Variants in NWD1 observed in about 807,000 individuals in gnomAD.
NWD1 encodes the protein NACHT and WD repeat domain containing 1.
A neutral mutation model predicts 135.1 loss-of-function variants in NWD1; 129 were observed. That is an observed-to-expected ratio of 0.96 (90% CI 0.83 to 1.11). The LOEUF (loss-of-function observed/expected upper bound fraction) is 1.11. Ranked by LOEUF, NWD1 falls within the 50% of genes least tolerant of loss-of-function variation. The pLI is 0.00. For missense variants in NWD1, 1,740 were observed against 1,851.3 expected, an observed-to-expected ratio of 0.94 and a Z score of 1.10; for synonymous variants, 773 against 786.0, an observed-to-expected ratio of 0.98 and a Z score of 0.28.
intron 2 of NWD1, among the ~76,000 whole-genome samples, chr19:16,728,015 C>T (rs530028471): frequency 5.9e-5 from 9 of 151,584 alleles, no homozygotes; most frequent in African/African-American, 1.7e-4. Context: ...GAGCCAAGAT[C>T]GCGCCATAGC....
intron 15 of NWD1, among the ~76,000 whole-genome samples, chr19:16,795,120 C>G (rs1372452851): frequency 6.6e-6 from 1 of 152,236 alleles, no homozygotes; most frequent in Admixed American, 6.5e-5. Flanking sequence ...TTCTTGGCCT[C>G]TTTGCCAAGC....
intron 15 of NWD1, 54 bp downstream of exon 15, chr19:16,794,607 G>T: frequency 8.0e-7 from 1 of 1,250,122 alleles, no homozygotes; most frequent in Non-Finnish European, 1.2e-6. Context: ...GATCAGGTTG[G>T]AGAAGGGGGT....
chr19:16,769,520 C>A (rs1025206623), intron 10 of NWD1, among the ~76,000 whole-genome samples: 1 of 152,052 alleles, frequency 6.6e-6, no homozygotes, highest in Non-Finnish European at 1.5e-5. Context: ...AGATGGTTCT[C>A]CCATTGTCCT....
At position 16,749,525 on chromosome 19, in the gene NWD1, T is replaced by C; in HGVS notation, c.883T>C (p.Tyr295His). ...GGCCGGACAGGAGTTGGCGTGGCTCTACCAAGAGATCCGCCACCACCTTTG... is the reference window on the plus strand; with the variant it reads ...GGCCGGACAGGAGTTGGCGTGGCTCCACCAAGAGATCCGCCACCACCTTTG... ...DTAGQELAWL[Y>H]QEIRHHLWQS... Residue 295 changes from tyrosine to histidine, a missense_variant, in exon 6 of 19, where the codon TAC becomes CAC. By Grantham distance (83) the Tyr-to-His change is moderately conservative (BLOSUM62 2). Transcript: ENST00000524140. 6.2e-7 allele frequency: 1 copy of C among 1,611,922 alleles called. No homozygotes were observed. The highest frequency in any genetic ancestry group is 8.5e-7 in the Non-Finnish European group (1 of 1,178,212).
At position 16,807,716 on chromosome 19, in the gene NWD1, C is replaced by T. The variant is rs191463357; in HGVS notation, c.3867C>T (p.Asp1289=). 5.1e-5 allele frequency: 83 copies of T among 1,613,592 alleles called. No individual in the cohort carries two copies. Among genetic ancestry groups the T allele is most frequent in the Admixed American group, 3.5e-4 (21 of 59,948 alleles). ...VLVFPLNSRQ[D]VICIPPPEAR... is the part of the protein sequence containing the mutation. ...TGTTCCCCCTGAATTCCAGGCAGGA[C>T]GTGATATGCATTCCCCCTCCCGAGG... Residue 1289 remains aspartate (D), a synonymous_variant, in exon 18 of 19, where the codon GAC becomes GAT. Transcript: ENST00000524140.
intron 6 of NWD1, among the ~76,000 whole-genome samples, chr19:16,755,289 C>T (rs969250892): frequency 2.6e-5 from 4 of 152,114 alleles, no homozygotes; most frequent in African/African-American, 4.8e-5. Context: ...GATCACAGCT[C>T]GCCGCAGTCT....
chr19:16,749,631 A>G lies in NWD1; in HGVS notation c.989A>G (p.Asp330Gly), dbSNP rs1458033690. Reference protein sequence around the residue: ...ARLGQQLRHDDSKQHTPLVLF... With the variant: ...ARLGQQLRHDGSKQHTPLVLF... ...CTTGGGCAGCAGCTCAGGCACGATG[A>G]CAGCAAGCAGCACACCCCCCTGGTA... Residue 330 changes from aspartate (D) to glycine (G), a missense_variant, in exon 6 of 19, where the codon GAC becomes GGC. Coordinates refer to ENST00000524140, the MANE Select transcript of NWD1 (RefSeq NM_001007525.5). 1.2e-6 allele frequency: 2 copies of G among 1,610,116 alleles called. No individual in the cohort carries two copies. The highest frequency in any genetic ancestry group is 1.7e-6 in the Non-Finnish European group (2 of 1,177,188).
rs190339086 is a variant in NWD1, at chr19:16,807,957, G to T, written c.4108G>T (p.Asp1370Tyr). The T allele has an allele frequency of 5.1e-5, 83 of 1,614,152 alleles. No individual in the cohort carries two copies. Among genetic ancestry groups the T allele is most frequent in the Non-Finnish European group, 6.4e-5 (76 of 1,180,038 alleles). ...CGTGGTCTACAGCATGACCAATGGG[G>T]ACCTCTTTCTTTACGAGTGTGCAAC... is the stretch of plus-strand genomic sequence containing the variant. ...YRVVYSMTNG[D>Y]LFLYECATSK... Residue 1370 changes from aspartate (D) to tyrosine (Y), a missense_variant, in exon 18 of 19, where the codon GAC (aspartate) becomes TAC (tyrosine). Transcript: ENST00000524140.
At chr19:16,767,243 G>C (rs1453188286) in intron 10 of NWD1, among the ~76,000 whole-genome samples, 2 of 138,954 alleles carry the variant, frequency 1.4e-5, no homozygotes, top group Admixed American at 8.2e-5. Flanking sequence ...GCAGTGGTGC[G>C]ATCTCGGCTC....
intron 11 of NWD1, among the ~76,000 whole-genome samples, chr19:16,776,787 A>T (rs1355552118): frequency 1.3e-5 from 2 of 148,186 alleles, no homozygotes; most frequent in Admixed American, 6.8e-5. Context: ...AAAAAAAAAA[A>T]AAAAAAAAGC....
chr19:16,810,320 C>T (rs1306300438), intron 18 of NWD1, among the ~76,000 whole-genome samples: 1 of 151,892 alleles, frequency 6.6e-6, no homozygotes, highest in South Asian at 2.1e-4. Context: ...TGCCTGTAAT[C>T]CCGGCTACCC....
chr19:16,766,827 C>T (rs1969240875), intron 10 of NWD1, among the ~76,000 whole-genome samples: 1 of 152,152 alleles, frequency 6.6e-6, no homozygotes, highest in Non-Finnish European at 1.5e-5. Context: ...CTCAAGCAAT[C>T]CTCCTGCCTC....
chr19:16,773,127 G>A lies in NWD1; in HGVS notation c.2412G>A (p.Glu804=), dbSNP rs775856811. ...CRPAVELRGM[E]RSLLYTELLA... is the part of the protein sequence containing the mutation. ...TTAGTCTACATCCCTTTGTTGCAGAGAGGAGCCTCCTGTACACAGAACTGC... is the reference window on the plus strand; with the variant it reads ...TTAGTCTACATCCCTTTGTTGCAGAAAGGAGCCTCCTGTACACAGAACTGC... Residue 804 remains glutamate, a splice_region_variant and synonymous_variant, in exon 11 of 19, where the codon GAG becomes GAA. Transcript: ENST00000524140. 6.2e-7 allele frequency: 1 copy of A among 1,613,828 alleles called. No homozygotes were observed. Among genetic ancestry groups the A allele is most frequent in the Non-Finnish European group, 8.5e-7 (1 of 1,179,956 alleles).
intron 8 of NWD1, 42 bp from the exon 9 acceptor site, chr19:16,763,786 T>C (rs1164896426): frequency 8.1e-7 from 1 of 1,233,254 alleles, no homozygotes; most frequent in Non-Finnish European, 1.2e-6. Flanking sequence ...AGTGAATGAA[T>C]GGGTTTGTGT....
intron 10 of NWD1, among the ~76,000 whole-genome samples, chr19:16,769,515 G>T (rs552082838): frequency 1.3e-5 from 2 of 151,772 alleles, no homozygotes; most frequent in East Asian, 3.9e-4. Context: ...CTTCTAGATG[G>T]TTCTCCCATT....
rs538969528 is a variant in NWD1, at chr19:16,751,408, A to T, written c.1769+997A>T. The stretch of plus-strand genomic sequence containing the variant: ...AGAAAGGCAGACAGGAAGGAAGGAG[A>T]CAGAAAGGAAGAGTGAAAGAAGGAA... On this transcript the variant is annotated intron_variant, in intron 6 of 18. Coordinates refer to ENST00000524140, the MANE Select transcript of NWD1 (RefSeq NM_001007525.5). Among the ~76,000 whole-genome samples, 77 of 151,410 alleles carry T rather than the reference A, an allele frequency of 5.1e-4. 1 individual carries two copies. The South Asian group carries it at 0.016, about 31-fold the overall frequency.
At chr19:16,745,485 T>G (rs113819113) in intron 5 of NWD1, among the ~76,000 whole-genome samples, 2,568 of 151,894 alleles carry the variant, frequency 0.017, 86 homozygotes, top group African/African-American at 0.059. Context: ...TCCCAGAATT[T>G]TGGAAGGCCG....
At chr19:16,775,454 A>G (rs1431631722) in intron 11 of NWD1, among the ~76,000 whole-genome samples, 1 of 152,042 alleles carries the variant, frequency 6.6e-6, no homozygotes, top group Non-Finnish European at 1.5e-5. Flanking sequence ...TTTTCAGTGT[A>G]GGGCTGTCCT....
chr19:16,778,813 G>T (rs928533186), intron 11 of NWD1, among the ~76,000 whole-genome samples: 1 of 152,166 alleles, frequency 6.6e-6, no homozygotes, highest in Non-Finnish European at 1.5e-5. Context: ...GTGCTGGGTG[G>T]CATGAGCCAC....
Sources: gnomAD v4.1 joint callset for allele counts (sites outside exome capture counted in the v4.1 genomes callset) on GRCh38, gnomAD v4.1.1 for gene constraint, MANE v1.5 for transcripts, NCBI Gene and HGNC (gene_info 2026-07-23, HGNC 2026-07-21) for gene names.